Variants in GDF11 observed in about 807,000 individuals in gnomAD.
GDF11 encodes growth differentiation factor 11.
A neutral mutation model predicts 34.4 loss-of-function variants in GDF11; 12 were observed. The ratio of observed to expected loss-of-function variants is 0.35; its 90% confidence interval spans 0.22 to 0.57. GDF11 has a LOEUF of 0.57. GDF11 is among the 20% of genes least tolerant of loss of function. The probability of loss-of-function intolerance (pLI) is 0.86; values close to 1 mark genes in which losing one functional copy is unlikely to be tolerated. For synonymous variants in GDF11, 212 were observed against 231.1 expected, an observed-to-expected ratio of 0.92 and a Z score of 0.75; for missense variants, 346 against 548.2, an observed-to-expected ratio of 0.63 and a Z score of 3.68.
At position 55,752,489 on chromosome 12, in the gene GDF11, G is replaced by A. The variant is rs985210690; in HGVS notation, c.*2607G>A. On this transcript the variant is annotated 3_prime_UTR_variant, in exon 3 of 3. Transcript: ENST00000257868. ...AGGCACAGAGTGAAGGGACTTGGGG[G>A]GCACAGCTCAGCAACCCAGTGGGAG... is the stretch of plus-strand genomic sequence containing the variant. The A allele has an allele frequency of 6.6e-6, 1 of 152,132 alleles. No individual in the cohort carries two copies. The highest frequency in any genetic ancestry group is 2.4e-5 in the African/African-American group (1 of 41,412). The allele number at this position is 152,132 out of a possible 1,614,324, so 9.4% of individuals were successfully genotyped here.
At position 55,749,385 on chromosome 12, in the gene GDF11, G is replaced by C; in HGVS notation, c.844-117G>C. ...ATAAATTCTGGGGGTGGGAGCAATG[G>C]AAAAGCTGAGAAGTCAGCAGTCTCT... On this transcript the variant is annotated intron_variant, in intron 2 of 2. Transcript: ENST00000257868. The surrounding 1 kb of genome is among the most constrained non-coding windows in gnomAD (Gnocchi z 5.6). The C allele has an allele frequency of 8.8e-7, 1 of 1,140,982 alleles. No homozygotes were observed. The highest frequency in any genetic ancestry group is 2.3e-5 in the Admixed American group (1 of 42,814). The allele number at this position is 1,140,982 out of a possible 1,614,324, so 70.7% of individuals were successfully genotyped here.
rs1005303760 is a variant in GDF11 at position 55,753,851 on chromosome 12, G to C, written c.*3969G>C. On this transcript the variant is annotated 3_prime_UTR_variant, in exon 3 of 3. Coordinates refer to ENST00000257868, the MANE Select transcript of GDF11 (RefSeq NM_005811.5). The stretch of plus-strand genomic sequence containing the variant: ...AGTTCCAGCTATTCAGGAGGCTGTG[G>C]CAGGAGGACCACTTGAGGCCAGAGG... 2.0e-5 allele frequency: 3 copies of C among 152,174 alleles called. No homozygotes were observed. In the East Asian group the frequency reaches 5.8e-4, roughly 29 times the overall value. The allele number at this position is 152,174 out of a possible 1,614,324, so 9.4% of individuals were successfully genotyped here. A position where few individuals can be genotyped will look rare whatever the true frequency, so the allele number is the denominator to read the frequency against.
rs1878231632 is a variant in GDF11, at chr12:55,748,533, T to C, written c.446-53T>C. ...AATTGCCAGTGCCACCCAGGACTAC[T>C]GATCCCCTACACAAACACCCTTTGC... On this transcript the variant is annotated intron_variant, in intron 1 of 2. Coordinates refer to ENST00000257868, the MANE Select transcript of GDF11 (RefSeq NM_005811.5). The surrounding 1 kb of genome is among the most constrained non-coding windows in gnomAD (Gnocchi z 5.6). 3 of 1,525,352 alleles carry C rather than the reference T, an allele frequency of 2.0e-6. No individual in the cohort carries two copies. The East Asian group carries it at 6.8e-5, about 35-fold the overall frequency. The allele number at this position is 1,525,352 out of a possible 1,614,324, so 94.5% of individuals were successfully genotyped here. A position where few individuals can be genotyped will look rare whatever the true frequency, so the allele number is the denominator to read the frequency against.
Position 55,750,177 on chromosome 12 carries a change from AAG to A in GDF11, c.*298_*299del. The A allele has an allele frequency of 2.9e-6, 1 of 342,910 alleles. No individual in the cohort carries two copies. The highest frequency in any genetic ancestry group is 4.5e-5 in the Admixed American group (1 of 22,136). 21.2% of individuals were successfully genotyped at this position (342,910 alleles called of 1,614,324 possible). A position where few individuals can be genotyped will look rare whatever the true frequency, so the allele number is the denominator to read the frequency against. ...ACAGTGATAGAGACAGAGGAACAAA[AAG>A]AGCAGCAGTGAGAAGGCAAAGAGAG... On this transcript the variant is annotated 3_prime_UTR_variant, in exon 3 of 3. Coordinates refer to ENST00000257868, the MANE Select transcript of GDF11 (RefSeq NM_005811.5).
Position 55,743,286 on chromosome 12 carries a change from C to A in GDF11, c.-31C>A. ...TCCCCGCGGGACTCCGGCGTCCCCG[C>A]CCCCCAGTCCTCCCTCCCCTCCCCT... On this transcript the variant is annotated 5_prime_UTR_variant, in exon 1 of 3. Transcript: ENST00000257868. 9.2e-6 allele frequency: 8 copies of A among 869,826 alleles called. No individual in the cohort carries two copies. The highest frequency in any genetic ancestry group is 1.1e-5 in the Non-Finnish European group (8 of 725,506). The allele number at this position is 869,826 out of a possible 1,614,324, so 53.9% of individuals were successfully genotyped here.
rs759951553 is a variant in GDF11 at position 55,743,400 on chromosome 12, CGCGGCGGCGGCGGCGGCG to C, written c.99_116del (p.Ala36_Ala41del). 72 of 992,766 alleles carry C rather than the reference CGCGGCGGCGGCGGCGGCG, an allele frequency of 7.3e-5. 1 individual carries two copies. In the South Asian group the frequency reaches 9.5e-4, roughly 13 times the overall value. The allele number at this position is 992,766 out of a possible 1,614,324, so 61.5% of individuals were successfully genotyped here. ...CCCGGGGGGAGGCGGCCGAGGGCCC[CGCGGCGGCGGCGGCGGCG>C]GCGGCGGCGGCGGCAGCGGCGGGGG... On this transcript the variant is annotated inframe_deletion, in exon 1 of 3. Transcript: ENST00000257868.
rs946152970 is a variant in GDF11, at chr12:55,756,726, G to A, written c.*6844G>A. 11 of 152,196 alleles carry A rather than the reference G, an allele frequency of 7.2e-5. No homozygotes were observed. The highest frequency in any genetic ancestry group is 1.0e-4 in the Non-Finnish European group (7 of 68,032). 9.4% of individuals were successfully genotyped at this position (152,196 alleles called of 1,614,324 possible). A position where few individuals can be genotyped will look rare whatever the true frequency, so the allele number is the denominator to read the frequency against. The stretch of plus-strand genomic sequence containing the variant: ...TTCCCAATGATTTAGCTAACAATGC[G>A]TAACAGCTCTGACATCCTCTGTCAT... On this transcript the variant is annotated 3_prime_UTR_variant, in exon 3 of 3. Transcript: ENST00000257868.
rs1303066312 is a variant in GDF11, at chr12:55,754,187, T to G, written c.*4305T>G. On this transcript the variant is annotated 3_prime_UTR_variant, in exon 3 of 3. Transcript: ENST00000257868. ...TCTTCCCAAGGGAACCATATCCACA[T>G]CTACCCCTAACTTTGGCCTGAGCTG... 1 of 152,210 alleles carries G rather than the reference T, an allele frequency of 6.6e-6. No individual in the cohort carries two copies. Among genetic ancestry groups the G allele is most frequent in the African/African-American group, 2.4e-5 (1 of 41,458 alleles). The allele number at this position is 152,210 out of a possible 1,614,324, so 9.4% of individuals were successfully genotyped here.
At chr12:55,747,357 T>C (rs1366498644) in intron 1 of GDF11, among the ~76,000 whole-genome samples, 2 of 151,372 alleles carry the variant, frequency 1.3e-5, no homozygotes, top group African/African-American at 4.9e-5. Flanking sequence ...CACTTTCTCC[T>C]CATCTCCCTT....
Position 55,748,507 on chromosome 12 carries a change from A to G in GDF11, c.446-79A>G. On this transcript the variant is annotated intron_variant, in intron 1 of 2. Transcript: ENST00000257868. The surrounding 1 kb of genome is among the most constrained non-coding windows in gnomAD (Gnocchi z 5.6). ...CTGGAAAATCAGGCTGAGAAGTCCA[A>G]AATTGCCAGTGCCACCCAGGACTAC... 2 of 1,376,450 alleles carry G rather than the reference A, an allele frequency of 1.5e-6. No homozygotes were observed. The highest frequency in any genetic ancestry group is 2.3e-5 in the East Asian group (1 of 43,394). The allele number at this position is 1,376,450 out of a possible 1,614,324, so 85.3% of individuals were successfully genotyped here.
In GDF11 at chr12:55,749,787, A is replaced by G; in HGVS notation, c.1129A>G (p.Met377Val). ...SAGPCCTPTK[M>V]SPINMLYFND... Reference sequence around the variant, plus strand: ...TGGGCCCTGTTGTACCCCCACCAAGATGTCCCCAATCAACATGCTCTACTT... The same window carrying G: ...TGGGCCCTGTTGTACCCCCACCAAGGTGTCCCCAATCAACATGCTCTACTT... The change falls in exon 3 of 3, where the codon ATG (methionine) becomes GTG (valine). Residue 377 changes from methionine to valine, a missense_variant. This residue lies in a region of GDF11 where 205 missense variants were observed against 311.3 expected (regional missense o/e 0.66). Transcript: ENST00000257868. The surrounding 1 kb of genome is among the most constrained non-coding windows in gnomAD (Gnocchi z 5.6). 6.2e-7 allele frequency: 1 copy of G among 1,614,100 alleles called. No individual in the cohort carries two copies. The highest frequency in any genetic ancestry group is 1.1e-5 in the South Asian group (1 of 91,074).
At chr12:55,744,866 C>T (rs139240814) in intron 1 of GDF11, among the ~76,000 whole-genome samples, 1 of 152,242 alleles carries the variant, frequency 6.6e-6, no homozygotes, top group African/African-American at 2.4e-5. Flanking sequence ...TCATAAAAAG[C>T]TGGGGGCTGA....
In GDF11 at chr12:55,752,174, G is replaced by C. The variant is rs2087098130; in HGVS notation, c.*2292G>C. 6.6e-6 allele frequency: 1 copy of C among 152,216 alleles called. No individual in the cohort carries two copies. The highest frequency in any genetic ancestry group is 1.5e-5 in the Non-Finnish European group (1 of 68,074). 9.4% of individuals were successfully genotyped at this position (152,216 alleles called of 1,614,324 possible). On this transcript the variant is annotated 3_prime_UTR_variant, in exon 3 of 3. Coordinates refer to ENST00000257868, the MANE Select transcript of GDF11 (RefSeq NM_005811.5). ...CAACACCACTCACATTTCCTTGGTGGAAGGAAAGGAACAGAGAAGTGAAGA... is the reference window on the plus strand; with the variant it reads ...CAACACCACTCACATTTCCTTGGTGCAAGGAAAGGAACAGAGAAGTGAAGA...
rs35350773 is a variant in GDF11 at position 55,753,770 on chromosome 12, CAAAAAAAAAAAAAA to C, written c.*3900_*3913del. On this transcript the variant is annotated 3_prime_UTR_variant, in exon 3 of 3. Coordinates refer to ENST00000257868, the MANE Select transcript of GDF11 (RefSeq NM_005811.5). ...GGTGACAGAGTGAGACTCCCATCTC[CAAAAAAAAAAAAAA>C]AAAAAAAAAAAGGAAAGCAGGACCC... The C allele has an allele frequency of 9.8e-5, 5 of 51,098 alleles. No individual in the cohort carries two copies. Among genetic ancestry groups the C allele is most frequent in the East Asian group, 5.7e-4 (1 of 1,760 alleles). The allele number at this position is 51,098 out of a possible 1,614,324, so 3.2% of individuals were successfully genotyped here.
Position 55,752,725 on chromosome 12 carries a change from G to A in GDF11, c.*2843G>A, listed in dbSNP as rs967188518. The A allele has an allele frequency of 6.6e-6, 1 of 152,144 alleles. No homozygotes were observed. Among genetic ancestry groups the A allele is most frequent in the Admixed American group, 6.6e-5 (1 of 15,266 alleles). The allele number at this position is 152,144 out of a possible 1,614,324, so 9.4% of individuals were successfully genotyped here. On this transcript the variant is annotated 3_prime_UTR_variant, in exon 3 of 3. Transcript: ENST00000257868. ...CAACTGAGATCAAGGCTTCCTGGAGGGAACCACTGCAAAAAGGCCATCAGG... is the reference window on the plus strand; with the variant it reads ...CAACTGAGATCAAGGCTTCCTGGAGAGAACCACTGCAAAAAGGCCATCAGG...
intron 1 of GDF11, among the ~76,000 whole-genome samples, chr12:55,744,198 C>G (rs940422166): frequency 6.6e-6 from 1 of 152,210 alleles, no homozygotes; most frequent in Non-Finnish European, 1.5e-5. Flanking sequence ...TAACTCCCCA[C>G]TCCGTGCTCC....
chr12:55,755,113 G>C lies in GDF11; in HGVS notation c.*5231G>C, dbSNP rs1261065808. The C allele has an allele frequency of 6.6e-6, 1 of 152,186 alleles. No homozygotes were observed. The highest frequency in any genetic ancestry group is 1.5e-5 in the Non-Finnish European group (1 of 68,052). The allele number at this position is 152,186 out of a possible 1,614,324, so 9.4% of individuals were successfully genotyped here. A position where few individuals can be genotyped will look rare whatever the true frequency, so the allele number is the denominator to read the frequency against. On this transcript the variant is annotated 3_prime_UTR_variant, in exon 3 of 3. Coordinates refer to ENST00000257868, the MANE Select transcript of GDF11 (RefSeq NM_005811.5). ...AATTTTGGGGGGATTCCAATAATCA[G>C]AAATAAGTGGCATTGCCAGAGGCCC...
rs1406679906 is a variant in GDF11, at chr12:55,743,713, G to A, written c.397G>A (p.Asp133Asn). 3 of 1,589,726 alleles carry A rather than the reference G, an allele frequency of 1.9e-6. No homozygotes were observed. The highest frequency in any genetic ancestry group is 2.8e-5 in the African/African-American group (2 of 72,480). The stretch of plus-strand genomic sequence containing the variant: ...GCAGCCCGAGGACTTCCTGGAGGAG[G>A]ACGAGTACCACGCCACCACCGAGAC... ...ALQPEDFLEE[D>N]EYHATTETVI... is the part of the protein sequence containing the mutation. Residue 133 changes from aspartate to asparagine, a missense_variant, in exon 1 of 3, where the codon GAC becomes AAC. Asp to Asn is a conservative substitution (Grantham distance 23). Coordinates refer to ENST00000257868, the MANE Select transcript of GDF11 (RefSeq NM_005811.5).
chr12:55,748,835 C>T lies in GDF11; in HGVS notation c.695C>T (p.Ser232Leu), dbSNP rs770684844. The part of the protein sequence containing the change: ...RSLKIELHSR[S>L]GHWQSIDFKQ... ...CTGAAGATTGAGCTGCACTCACGCTCAGGCCATTGGCAGAGCATCGACTTC... is the reference window on the plus strand; with the variant it reads ...CTGAAGATTGAGCTGCACTCACGCTTAGGCCATTGGCAGAGCATCGACTTC... Residue 232 changes from serine (S) to leucine (L), a missense_variant, in exon 2 of 3, where the codon TCA (serine) becomes TTA (leucine). Physicochemically the swap from Ser to Leu is moderately radical, Grantham distance 145 (BLOSUM62 -2). Coordinates refer to ENST00000257868, the MANE Select transcript of GDF11 (RefSeq NM_005811.5). The surrounding 1 kb of genome is among the most constrained non-coding windows in gnomAD (Gnocchi z 5.6). 9 of 1,613,864 alleles carry T rather than the reference C, an allele frequency of 5.6e-6. No individual in the cohort carries two copies. The East Asian group carries it at 1.8e-4, about 32-fold the overall frequency.
Sources: allele counts gnomAD v4.1 joint callset (sites outside exome capture counted in the v4.1 genomes callset), GRCh38; gene constraint gnomAD v4.1.1; regional missense constraint gnomAD v4.1.1; non-coding constraint Gnocchi (gnomAD v3.1); transcripts MANE v1.5; gene names NCBI Gene and HGNC (gene_info 2026-07-23, HGNC 2026-07-21).